GRM5: variants seen among roughly 807,000 people sequenced by gnomAD.
GRM5 encodes metabotropic glutamate receptor 5.
GRM5 carries 19 observed loss-of-function variants against 83.1 expected under a neutral mutation model. The ratio of observed to expected loss-of-function variants is 0.23; its 90% CI spans 0.16 to 0.34. The LOEUF (loss-of-function observed/expected upper bound fraction) is 0.34, where lower values mean the gene tolerates loss of function less well. Ranked by LOEUF, GRM5 falls within the 10% of genes least tolerant of loss-of-function variation. The pLI is 1.00. For missense variants in GRM5, 1,160 were observed against 1,588.3 expected (o/e 0.73, Z 4.58); for synonymous variants, 675 against 633.6 (o/e 1.07, Z -0.98).
chr11:88,642,843 C>T (rs1474512789), intron 4 of GRM5, among the ~76,000 whole-genome samples: 5 of 152,032 alleles, frequency 3.3e-5, no homozygotes, highest in African/African-American at 7.2e-5. Context: ...TTTCACTGTC[C>T]GTATCACTAT....
intron 3 of GRM5, among the ~76,000 whole-genome samples, chr11:88,796,828 T>C (rs1487100105): frequency 6.6e-6 from 1 of 151,718 alleles, no homozygotes; most frequent in African/African-American, 2.4e-5. Context: ...CTAGGGAAGA[T>C]GTGGAAAGAA....
intron 4 of GRM5, among the ~76,000 whole-genome samples, chr11:88,639,298 C>T (rs1436672469): frequency 6.6e-6 from 1 of 152,134 alleles, no homozygotes; most frequent in Non-Finnish European, 1.5e-5. Context: ...ACGCAGTTCT[C>T]TCCTCTCTGA....
intron 3 of GRM5, among the ~76,000 whole-genome samples, chr11:88,820,354 A>G (rs1943766479): frequency 6.8e-6 from 1 of 146,450 alleles, no homozygotes. Flanking sequence ...CAGCCTGGGC[A>G]ACAGAGCAAA....
At chr11:88,674,069 G>A (rs892170803) in intron 3 of GRM5, among the ~76,000 whole-genome samples, 1 of 151,796 alleles carries the variant, frequency 6.6e-6, no homozygotes, top group African/African-American at 2.4e-5. Flanking sequence ...CTGGATCTAA[G>A]AAATGTCAGT....
rs115187651 is a variant in GRM5, at chr11:88,690,812, C to T, written c.912-37409G>A. On this transcript the variant is annotated intron_variant, in intron 3 of 9. Coordinates refer to ENST00000305447, the MANE Select transcript of GRM5 (RefSeq NM_001143831.3). ...CAAGGTTTCTTGGCCAGAGGTACAACCTGCACTGAGAATTAAAAGGAAATT... is the reference window on the plus strand; with the variant it reads ...CAAGGTTTCTTGGCCAGAGGTACAATCTGCACTGAGAATTAAAAGGAAATT... Among the ~76,000 whole-genome samples the T allele has an allele frequency of 3.5e-3, 526 of 152,282 alleles. 2 individuals are homozygous for T. Among genetic ancestry groups the T allele is most frequent in the African/African-American group, 0.012 (506 of 41,556 alleles).
chr11:89,061,087 G>A (rs1463131456), intron 1 of GRM5, among the ~76,000 whole-genome samples: 2 of 151,942 alleles, frequency 1.3e-5, no homozygotes, highest in African/African-American at 2.4e-5. Flanking sequence ...TAACATATAT[G>A]TATATCAACA....
chr11:88,520,755 G>A (rs1042236051), intron 9 of GRM5, among the ~76,000 whole-genome samples: 3 of 152,086 alleles, frequency 2.0e-5, no homozygotes, highest in Non-Finnish European at 2.9e-5. Context: ...ACAAGACATT[G>A]TATTTGGGGC....
intron 2 of GRM5, among the ~76,000 whole-genome samples, chr11:88,993,257 C>A (rs772678763): frequency 8.9e-4 from 74 of 82,774 alleles, no homozygotes; most frequent in East Asian, 9.2e-4. Context: ...CAGAGTGAGA[C>A]TCTGTCTCAA....
intron 3 of GRM5, among the ~76,000 whole-genome samples, chr11:88,715,200 C>A (rs899634036): frequency 5.3e-5 from 8 of 151,892 alleles, no homozygotes; most frequent in Non-Finnish European, 2.9e-5. Context: ...ATAATAGATG[C>A]TCAATTAGTA....
chr11:89,035,233 C>G (rs1211485219), intron 2 of GRM5, among the ~76,000 whole-genome samples: 1 of 151,666 alleles, frequency 6.6e-6, no homozygotes, highest in Non-Finnish European at 1.5e-5. Context: ...TTTTATTATA[C>G]TTTAAGTTCT....
intron 4 of GRM5, among the ~76,000 whole-genome samples, chr11:88,608,052 G>T (rs1194822945): frequency 6.6e-6 from 1 of 152,084 alleles, no homozygotes; most frequent in East Asian, 1.9e-4. Context: ...GCTTTCCAGG[G>T]TCCCTTATCT....
At chr11:88,993,249 G>T (rs1443717328) in intron 2 of GRM5, among the ~76,000 whole-genome samples, 1 of 122,682 alleles carries the variant, frequency 8.2e-6, no homozygotes, top group Non-Finnish European at 1.7e-5. Context: ...CTGGAGGACA[G>T]AGTGAGACTC....
At chr11:88,941,922 C>G (rs1348785193) in intron 2 of GRM5, among the ~76,000 whole-genome samples, 1 of 151,858 alleles carries the variant, frequency 6.6e-6, no homozygotes, top group Non-Finnish European at 1.5e-5. Flanking sequence ...GACAACGGAC[C>G]AGGACTTTTC....
intron 2 of GRM5, among the ~76,000 whole-genome samples, chr11:88,885,705 G>A (rs904677371): frequency 1.2e-4 from 18 of 151,940 alleles, no homozygotes; most frequent in African/African-American, 4.3e-4. Flanking sequence ...TGATATAGAA[G>A]TTAAAAAGAA....
intron 7 of GRM5, among the ~76,000 whole-genome samples, chr11:88,577,530 T>C (rs1001592676): frequency 2.6e-5 from 4 of 152,174 alleles, no homozygotes; most frequent in Non-Finnish European, 5.9e-5. Context: ...TTTAAAATAA[T>C]GTATTGACCA....
At chr11:88,981,188 T>C (rs1939509317) in intron 2 of GRM5, among the ~76,000 whole-genome samples, 1 of 152,192 alleles carries the variant, frequency 6.6e-6, no homozygotes, top group Admixed American at 6.5e-5. Context: ...TATGCACGTG[T>C]TTGTTCTATG....
intron 2 of GRM5, among the ~76,000 whole-genome samples, chr11:88,881,147 TA>T (rs200619763): frequency 2.3e-4 from 35 of 150,648 alleles, no homozygotes; most frequent in Middle Eastern, 3.4e-3. Context: ...GCTTCAAATT[TA>T]AAAAAAAAAT....
chr11:88,691,367 G>C (rs1368822710), intron 3 of GRM5, among the ~76,000 whole-genome samples: 1 of 151,988 alleles, frequency 6.6e-6, no homozygotes, highest in East Asian at 1.9e-4. Flanking sequence ...TTGGTGTGTG[G>C]TGTTTCAAAA....
At chr11:89,027,888 G>A (rs1160435096) in intron 2 of GRM5, among the ~76,000 whole-genome samples, 1 of 152,146 alleles carries the variant, frequency 6.6e-6, no homozygotes, top group Non-Finnish European at 1.5e-5. Context: ...GTTAACAGGT[G>A]GGACTTTGGG....
Sources: allele counts gnomAD v4.1 joint callset (sites outside exome capture counted in the v4.1 genomes callset), GRCh38; gene constraint gnomAD v4.1.1; transcripts MANE v1.5; gene names NCBI Gene and HGNC (gene_info 2026-07-23, HGNC 2026-07-21).